PTPRN2: variants seen among roughly 807,000 people sequenced by gnomAD.
The protein encoded by PTPRN2 is protein tyrosine phosphatase receptor type N2, also known as receptor-type tyrosine-protein phosphatase N2.
A neutral mutation model predicts 118.8 loss-of-function variants in PTPRN2; 74 were observed. The ratio of observed to expected loss-of-function variants is 0.62; its 90% CI spans 0.52 to 0.76. PTPRN2 has a LOEUF of 0.76. Among genes scored for constraint, PTPRN2 ranks in the 30% least tolerant of loss-of-function variants. The pLI is 0.00. For missense variants in PTPRN2, 1,481 were observed against 1,394.4 expected (o/e 1.06, Z -0.99); for synonymous variants, 641 against 608.0 (o/e 1.05, Z -0.80).
intron 5 of PTPRN2, among the ~76,000 whole-genome samples, chr7:158,177,602 T>A (rs138490226): frequency 2.0e-5 from 3 of 152,308 alleles, no homozygotes; most frequent in Non-Finnish European, 4.4e-5. Context: ...ATAACCCAGT[T>A]TGCATTTTCT....
intron 2 of PTPRN2, among the ~76,000 whole-genome samples, chr7:158,351,575 A>G (rs1807938597): frequency 6.6e-6 from 1 of 152,320 alleles, no homozygotes; most frequent in Non-Finnish European, 1.5e-5. Flanking sequence ...TACACGAAAC[A>G]TGGTTACCTA....
chr7:157,698,569 A>C (rs1051390060), intron 12 of PTPRN2, among the ~76,000 whole-genome samples: 13 of 152,226 alleles, frequency 8.5e-5, no homozygotes, highest in Admixed American at 5.2e-4. Context: ...TTATAATTCA[A>C]AGAATAGAAA....
rs1428727719 is a variant in PTPRN2 at position 158,022,504 on chromosome 7, G to A, written c.1723+58794C>T. ...TAATGTGTTCATAGCCAAGGCCCCG[G>A]CACCCGGGCACTCTGTCTGGGGCAG... On this transcript the variant is annotated intron_variant, in intron 11 of 22. Transcript: ENST00000389418. This position sits in a 1 kb window ranked among gnomAD's most constrained non-coding sequence, Gnocchi z 4.6. Among the ~76,000 whole-genome samples, 1 of 151,266 alleles carries A rather than the reference G, an allele frequency of 6.6e-6. No individual in the cohort carries two copies. Among genetic ancestry groups the A allele is most frequent in the African/African-American group, 2.4e-5 (1 of 41,122 alleles).
intron 3 of PTPRN2, among the ~76,000 whole-genome samples, chr7:158,210,001 AT>A (rs1394951283): frequency 1.3e-5 from 2 of 152,224 alleles, no homozygotes; most frequent in African/African-American, 4.8e-5. Context: ...CTTGAAACAA[AT>A]AATAATACAA....
At chr7:158,017,202 G>T (rs1214835194) in intron 11 of PTPRN2, among the ~76,000 whole-genome samples, 2 of 152,248 alleles carry the variant, frequency 1.3e-5, no homozygotes, top group African/African-American at 4.8e-5. Context: ...GCTGACAAGA[G>T]TGGCTCAAAA....
At chr7:158,327,090 CTCAT>C (rs1803655209) in intron 2 of PTPRN2, among the ~76,000 whole-genome samples, 1 of 151,918 alleles carries the variant, frequency 6.6e-6, no homozygotes, top group African/African-American at 2.4e-5. Flanking sequence ...CTCACATGCA[CTCAT>C]TCTCACCCAT....
chr7:158,520,712 C>T (rs996430623), intron 1 of PTPRN2, among the ~76,000 whole-genome samples: 5 of 152,130 alleles, frequency 3.3e-5, no homozygotes, highest in African/African-American at 4.8e-5. Flanking sequence ...TTTTTTCAAC[C>T]ATATTACCAA....
chr7:158,375,113 C>T (rs1267954734), intron 2 of PTPRN2, among the ~76,000 whole-genome samples: 1 of 150,860 alleles, frequency 6.6e-6, no homozygotes, highest in Non-Finnish European at 1.5e-5. Flanking sequence ...AGCTGCTTCA[C>T]GTGGCAGTGA....
intron 3 of PTPRN2, among the ~76,000 whole-genome samples, chr7:158,304,769 G>T (rs898899174): frequency 3.9e-5 from 6 of 152,162 alleles, no homozygotes; most frequent in African/African-American, 1.2e-4. Flanking sequence ...TTATTATGCA[G>T]ATGAAGCCTC....
chr7:158,333,516 A>T (rs1439301690), intron 2 of PTPRN2, among the ~76,000 whole-genome samples: 2 of 147,500 alleles, frequency 1.4e-5, no homozygotes, highest in Non-Finnish European at 1.5e-5. Flanking sequence ...CCACACTCTC[A>T]CCATAAGACC....
chr7:158,225,862 CAG>C (rs1828729741), intron 3 of PTPRN2, among the ~76,000 whole-genome samples: 2 of 148,692 alleles, frequency 1.3e-5, no homozygotes, highest in South Asian at 4.2e-4. Context: ...GTGGTGCACT[CAG>C]GGGATGGTGT....
Position 157,801,942 on chromosome 7 carries a change from TG to T in PTPRN2, c.1788+96730del, listed in dbSNP as rs1805332730. The stretch of plus-strand genomic sequence containing the variant: ...CACTGAGCTGAAGTCAGGGCTTGGG[TG>T]GGCCGCACGCTCTGGGGCGGCTCCT... On this transcript the variant is annotated intron_variant, in intron 12 of 22. Transcript: ENST00000389418. This position sits in a 1 kb window ranked among gnomAD's most constrained non-coding sequence, Gnocchi z 4.2. 6.6e-6 allele frequency among the ~76,000 whole-genome samples: 1 copy of T among 152,120 alleles called. No individual in the cohort carries two copies. Among genetic ancestry groups the T allele is most frequent in the East Asian group, 1.9e-4 (1 of 5,182 alleles).
chr7:158,175,790 T>C (rs1045574372), intron 5 of PTPRN2, among the ~76,000 whole-genome samples: 1 of 152,058 alleles, frequency 6.6e-6, no homozygotes, highest in African/African-American at 2.4e-5. Flanking sequence ...ATCAACAAAT[T>C]TGTAGCGAGT....
intron 11 of PTPRN2, among the ~76,000 whole-genome samples, chr7:157,981,631 T>C (rs1228123398): frequency 1.3e-5 from 2 of 152,346 alleles, no homozygotes; most frequent in Non-Finnish European, 2.9e-5. Flanking sequence ...AATAACTCAG[T>C]GTACCAAATG....
At position 158,416,344 on chromosome 7, in the gene PTPRN2, G is replaced by A. The variant is rs1386953599; in HGVS notation, c.163+73391C>T. ...GCCAAAGTTTAGATATGCACCCCCA[G>A]CCCCCAACCACACAGTCCAGATTTC... On this transcript the variant is annotated intron_variant, in intron 2 of 22. Coordinates refer to ENST00000389418, the MANE Select transcript of PTPRN2 (RefSeq NM_002847.5). Among the ~76,000 whole-genome samples, 5 of 152,196 alleles carry A rather than the reference G, an allele frequency of 3.3e-5. No homozygotes were observed. The East Asian group carries it at 7.7e-4, about 23-fold the overall frequency.
Position 157,794,037 on chromosome 7 carries a change from C to T in PTPRN2, c.1788+104636G>A, listed in dbSNP as rs1355488669. On this transcript the variant is annotated intron_variant, in intron 12 of 22. Coordinates refer to ENST00000389418, the MANE Select transcript of PTPRN2 (RefSeq NM_002847.5). This position sits in a 1 kb window ranked among gnomAD's most constrained non-coding sequence, Gnocchi z 5.2. ...GCCACCTTCGGGCCTCGGCAGCACACCTCGAGGGGCCCAGGACAAGCTCGG... is the reference window on the plus strand; with the variant it reads ...GCCACCTTCGGGCCTCGGCAGCACATCTCGAGGGGCCCAGGACAAGCTCGG... Among the ~76,000 whole-genome samples, 1 of 152,150 alleles carries T rather than the reference C, an allele frequency of 6.6e-6. No homozygotes were observed. Among genetic ancestry groups the T allele is most frequent in the African/African-American group, 2.4e-5 (1 of 41,426 alleles).
intron 11 of PTPRN2, among the ~76,000 whole-genome samples, chr7:158,077,340 T>G (rs908573761): frequency 6.6e-6 from 1 of 152,140 alleles, no homozygotes; most frequent in Non-Finnish European, 1.5e-5. Flanking sequence ...CAGGAGGACG[T>G]CACGGAAAGT....
At chr7:158,522,576 T>C (rs1824284430) in intron 1 of PTPRN2, among the ~76,000 whole-genome samples, 2 of 152,202 alleles carry the variant, frequency 1.3e-5, no homozygotes, top group Admixed American at 6.5e-5. Context: ...GTACAGCGAA[T>C]CGCTCTCTGT....
intron 11 of PTPRN2, among the ~76,000 whole-genome samples, chr7:158,020,739 A>G (rs1260089594): frequency 1.3e-5 from 2 of 152,230 alleles, no homozygotes; most frequent in African/African-American, 4.8e-5. Flanking sequence ...GGAATAGGTA[A>G]GAAAGACAAA....
Sources: allele counts gnomAD v4.1 joint callset (sites outside exome capture counted in the v4.1 genomes callset), GRCh38; gene constraint gnomAD v4.1.1; non-coding constraint Gnocchi (gnomAD v3.1); transcripts MANE v1.5; gene names NCBI Gene and HGNC (gene_info 2026-07-23, HGNC 2026-07-21).